The following ARRDC5 variants were observed in gnomAD, a reference collection of about 807,000 sequenced individuals.
The protein encoded by ARRDC5 is arrestin domain containing 5.
A neutral mutation model predicts 13.3 loss-of-function variants in ARRDC5; 12 were observed. The observed-to-expected ratio is 0.90, with a 90% CI of 0.58 to 1.46. The LOEUF is 1.46. ARRDC5 is among the 40% of genes most tolerant of loss of function. ARRDC5 has a pLI of 0.00. For missense variants in ARRDC5, 406 were observed against 418.7 expected (o/e 0.97, Z 0.26); for synonymous variants, 181 against 173.4 (o/e 1.04, Z -0.34).
At chr19:4,908,034 C>T in the ARRDC5 span, among the ~76,000 whole-genome samples, 4 of 152,152 alleles carry the variant, frequency 2.6e-5, no homozygotes, top group Non-Finnish European at 5.9e-5. Context: ...ATTGTAAAGC[C>T]TGCTTCCACT....
intron 1 of ARRDC5, among the ~76,000 whole-genome samples, chr19:4,899,759 C>T: frequency 1.3e-5 from 1 of 75,386 alleles, no homozygotes; most frequent in African/African-American, 7.2e-5. Context: ...GAAACCCCGT[C>T]TCTACAAAAA....
chr19:4,915,960 T>C, the ARRDC5 span, among the ~76,000 whole-genome samples: 1 of 152,082 alleles, frequency 6.6e-6, no homozygotes, highest in Non-Finnish European at 1.5e-5. Context: ...TCCAGAATGA[T>C]CCAATAGCCC....
chr19:4,905,822 T>G (rs1263058209), upstream of ARRDC5, among the ~76,000 whole-genome samples: 1 of 152,096 alleles, frequency 6.6e-6, no homozygotes, highest in East Asian at 1.9e-4. Context: ...CGGCCAGTGT[T>G]AGTGTATTTT....
rs761126721 is a variant in ARRDC5, at chr19:4,891,344, C to T, written c.689G>A (p.Arg230Gln). 13 of 1,613,652 alleles carry T rather than the reference C, an allele frequency of 8.1e-6. No homozygotes were observed. The highest frequency in any genetic ancestry group is 5.3e-5 in the African/African-American group (4 of 74,916). ...GFTPSAERRS[R>Q]LDSSELLRQE... ...CCTCAGAAGCTCGCTGCTGTCCAGC[C>T]GAGACCGCCGCTCTGCACTGGGCGT... The change falls in exon 3 of 3, where the codon CGG becomes CAG. Residue 230 changes from arginine to glutamine, a missense_variant. Physicochemically the swap from Arg to Gln is conservative, Grantham distance 43 (BLOSUM62 1). Coordinates refer to ENST00000650722, the MANE Select transcript of ARRDC5 (RefSeq NM_001080523.3).
rs201181989 is a variant in ARRDC5 at position 4,891,329 on chromosome 19, T to C, written c.704A>G (p.Glu235Gly). Residue 235 changes from glutamate to glycine, a missense_variant, in exon 3 of 3, where the codon GAG (glutamate) becomes GGG (glycine). Coordinates refer to ENST00000650722, the MANE Select transcript of ARRDC5 (RefSeq NM_001080523.3). ...GGTGTTGGCCTCCTGCCTCAGAAGCTCGCTGCTGTCCAGCCGAGACCGCCG... is the reference window on the plus strand; with the variant it reads ...GGTGTTGGCCTCCTGCCTCAGAAGCCCGCTGCTGTCCAGCCGAGACCGCCG... ...AERRSRLDSS[E>G]LLRQEANTPV... 6 of 1,613,850 alleles carry C rather than the reference T, an allele frequency of 3.7e-6. No individual in the cohort carries two copies. In the African/African-American group the frequency reaches 6.7e-5, roughly 18 times the overall value.
At chr19:4,914,588 G>T in the ARRDC5 span, among the ~76,000 whole-genome samples, 1 of 152,012 alleles carries the variant, frequency 6.6e-6, no homozygotes, top group Non-Finnish European at 1.5e-5. Context: ...CTGATCGAGG[G>T]CAGTGACTTT....
At chr19:4,891,685 G>C (rs1220103330) in intron 2 of ARRDC5, 112 bp from the exon 3 acceptor site, 2 of 928,450 alleles carry the variant, frequency 2.2e-6, no homozygotes, top group Non-Finnish European at 3.2e-6. Flanking sequence ...GGCTGGGCAC[G>C]ATAGCTCACG....
the ARRDC5 span, chr19:4,910,894 C>T: frequency 1.1e-5 from 18 of 1,610,382 alleles, no homozygotes; most frequent in Non-Finnish European, 1.4e-5. Context: ...CCATGTGGAT[C>T]CAGGTTCGGA....
upstream of ARRDC5, among the ~76,000 whole-genome samples, chr19:4,905,505 T>G (rs1237473111): frequency 6.6e-6 from 1 of 151,518 alleles, no homozygotes; most frequent in African/African-American, 2.4e-5. Context: ...TAGTGTATTT[T>G]ATTATTTATT....
chr19:4,907,567 G>A (rs936142232), upstream of ARRDC5, among the ~76,000 whole-genome samples: 3 of 151,902 alleles, frequency 2.0e-5, no homozygotes, highest in Non-Finnish European at 4.4e-5. Context: ...ACCACGCCCG[G>A]CCCACACATT....
chr19:4,899,505 G>A (rs1215053713), intron 1 of ARRDC5, among the ~76,000 whole-genome samples: 2 of 151,794 alleles, frequency 1.3e-5, no homozygotes, highest in East Asian at 1.9e-4. Context: ...AGTGGCATGC[G>A]CCTGTAATCC....
chr19:4,897,764 G>A lies in ARRDC5; in HGVS notation c.254-888C>T, dbSNP rs923758028. Among the ~76,000 whole-genome samples the A allele has an allele frequency of 3.9e-5, 6 of 152,164 alleles. No homozygotes were observed. The East Asian group carries it at 9.7e-4, about 24-fold the overall frequency. ...ACTTCTGGCCACAAGCAGTCCTCCT[G>A]CCTCACTCTCCCAAAAGTGCTGGGA... On this transcript the variant is annotated intron_variant, in intron 1 of 2. Transcript: ENST00000650722.
the ARRDC5 span, chr19:4,909,400 C>A: frequency 1.5e-6 from 1 of 645,924 alleles, no homozygotes; most frequent in Non-Finnish European, 2.8e-6. Context: ...TTCTCGCTTC[C>A]CGCCACTGCG....
At chr19:4,904,146 C>T (rs544353541), upstream of ARRDC5, among the ~76,000 whole-genome samples, 4 of 151,462 alleles carry the variant, frequency 2.6e-5, no homozygotes, top group East Asian at 1.9e-4. Context: ...CACCTGCCCC[C>T]GTGCCCGGCT....
chr19:4,891,330 C>T lies in ARRDC5; in HGVS notation c.703G>A (p.Glu235Lys), dbSNP rs773994084. ...AERRSRLDSS[E>K]LLRQEANTPV... Reference sequence around the variant, plus strand: ...GTGTTGGCCTCCTGCCTCAGAAGCTCGCTGCTGTCCAGCCGAGACCGCCGC... The same window carrying T: ...GTGTTGGCCTCCTGCCTCAGAAGCTTGCTGCTGTCCAGCCGAGACCGCCGC... Residue 235 changes from glutamate (E) to lysine (K), a missense_variant, in exon 3 of 3, where the codon GAG becomes AAG. Coordinates refer to ENST00000650722, the MANE Select transcript of ARRDC5 (RefSeq NM_001080523.3). 23 of 1,613,870 alleles carry T rather than the reference C, an allele frequency of 1.4e-5. No homozygotes were observed. The highest frequency in any genetic ancestry group is 6.7e-5 in the Admixed American group (4 of 60,012).
chr19:4,914,638 C>T, the ARRDC5 span, among the ~76,000 whole-genome samples: 5 of 150,826 alleles, frequency 3.3e-5, no homozygotes, highest in East Asian at 3.9e-4. Context: ...GAGGCATCTG[C>T]GGCCCCCACC....
Position 4,891,058 on chromosome 19 carries a change from A to G in ARRDC5, c.975T>C (p.Asp325=). 1 of 1,611,140 alleles carries G rather than the reference A, an allele frequency of 6.2e-7. No homozygotes were observed. The highest frequency in any genetic ancestry group is 1.1e-5 in the South Asian group (1 of 90,802). Residue 325 remains aspartate, a synonymous_variant, in exon 3 of 3, where the codon GAT becomes GAC. Transcript: ENST00000650722. ...SEDGVLPVNP[D]HQN ...AAAGTTCGGGCACTTAATTCTGGTG[A>G]TCTGGGTTCACGGGTAACACTCCGT...
At chr19:4,892,741 C>A (rs1220506226) in intron 2 of ARRDC5, among the ~76,000 whole-genome samples, 4 of 152,046 alleles carry the variant, frequency 2.6e-5, no homozygotes, top group African/African-American at 7.2e-5. Context: ...CTGTTCTGTT[C>A]TTTTATCTTA....
At chr19:4,910,716 G>T in the ARRDC5 span, 1 of 713,748 alleles carries the variant, frequency 1.4e-6, no homozygotes, top group South Asian at 3.0e-5. Flanking sequence ...GTTGTGTCTG[G>T]TCCTGGCCAG....
Sources: allele counts gnomAD v4.1 joint callset (sites outside exome capture counted in the v4.1 genomes callset), GRCh38; gene constraint gnomAD v4.1.1; transcripts MANE v1.5; gene names NCBI Gene and HGNC (gene_info 2026-07-23, HGNC 2026-07-21).